Variants in PROCR observed in about 807,000 individuals in gnomAD.
PROCR encodes the protein endothelial protein C receptor.
In PROCR, 22 loss-of-function variants were observed where a neutral mutation model predicts 24.2. That is an observed-to-expected ratio of 0.91 (90% CI 0.65 to 1.30). PROCR has a LOEUF of 1.30. Among genes scored for constraint, PROCR ranks in the 50% most tolerant of loss-of-function variants. PROCR has a pLI of 0.00. For missense variants in PROCR, 288 were observed against 307.7 expected, an observed-to-expected ratio of 0.94 and a Z score of 0.48; for synonymous variants, 137 against 139.2, an observed-to-expected ratio of 0.98 and a Z score of 0.11.
chr20:35,191,292 T>A (rs987200156), intron 1 of PROCR, among the ~76,000 whole-genome samples: 2 of 152,164 alleles, frequency 1.3e-5, no homozygotes, highest in African/African-American at 2.4e-5. Context: ...TTTAAAAAAA[T>A]TTATTGAGTC....
intron 1 of PROCR, among the ~76,000 whole-genome samples, chr20:35,207,340 T>A (rs1481034270): frequency 6.6e-6 from 1 of 151,980 alleles, no homozygotes; most frequent in Non-Finnish European, 1.5e-5. Context: ...TTTTACTGAA[T>A]GTAAATTACA....
At chr20:35,185,404 G>C (rs564240188) in intron 1 of PROCR, among the ~76,000 whole-genome samples, 6 of 152,278 alleles carry the variant, frequency 3.9e-5, no homozygotes, top group Admixed American at 2.6e-4. Context: ...CCGAGGAAAA[G>C]AAGTCATTAT....
At chr20:35,179,762 T>A (rs1414258777), downstream of PROCR, among the ~76,000 whole-genome samples, 1 of 152,190 alleles carries the variant, frequency 6.6e-6, no homozygotes, top group Non-Finnish European at 1.5e-5. Context: ...AACCATCAAA[T>A]CATGTAAGTG....
chr20:35,178,267 G>C (rs1032632564), downstream of PROCR, among the ~76,000 whole-genome samples: 1 of 151,232 alleles, frequency 6.6e-6, no homozygotes, highest in Admixed American at 6.6e-5. Flanking sequence ...AGCTAAGTTT[G>C]GTGGCACGCG....
intron 1 of PROCR, among the ~76,000 whole-genome samples, chr20:35,185,506 A>G (rs1306231896): frequency 2.0e-5 from 3 of 152,216 alleles, no homozygotes; most frequent in Admixed American, 1.3e-4. Context: ...CAATCAATGA[A>G]TGGATAAAGA....
intron 1 of PROCR, among the ~76,000 whole-genome samples, chr20:35,185,651 A>G (rs1465918414): frequency 6.6e-6 from 1 of 152,164 alleles, no homozygotes; most frequent in Admixed American, 6.5e-5. Flanking sequence ...ACCAAACATC[A>G]TATGTTCTCA....
intron 1 of PROCR, among the ~76,000 whole-genome samples, chr20:35,183,997 TC>T (rs1251858442): frequency 1.3e-5 from 2 of 152,106 alleles, no homozygotes; most frequent in African/African-American, 4.8e-5. Flanking sequence ...ATCTACAAAT[TC>T]ACGCAGTCCC....
At chr20:35,184,783 A>G (rs1445830850) in intron 1 of PROCR, among the ~76,000 whole-genome samples, 1 of 152,184 alleles carries the variant, frequency 6.6e-6, no homozygotes, top group Non-Finnish European at 1.5e-5. Flanking sequence ...AGAAGATAAC[A>G]TTGGAAAAAC....
chr20:35,214,705 A>T (rs1263061235), intron 1 of PROCR, among the ~76,000 whole-genome samples: 2 of 151,458 alleles, frequency 1.3e-5, no homozygotes, highest in Non-Finnish European at 2.9e-5. Flanking sequence ...AAAAAAAAAA[A>T]ATTACAAAAG....
chr20:35,193,292 CAG>C (rs1279489826), intron 1 of PROCR, among the ~76,000 whole-genome samples: 2 of 152,130 alleles, frequency 1.3e-5, no homozygotes, highest in Non-Finnish European at 2.9e-5. Flanking sequence ...TCTCCTGCCA[CAG>C]CCCCCCGAGT....
intron 2 of PROCR, among the ~76,000 whole-genome samples, chr20:35,175,405 C>G (rs1400775472): frequency 6.7e-6 from 1 of 149,420 alleles, no homozygotes; most frequent in East Asian, 2.0e-4. Flanking sequence ...ACTCTTCCCC[C>G]AAAGACCCCA....
intron 1 of PROCR, among the ~76,000 whole-genome samples, chr20:35,184,309 A>T (rs1465183191): frequency 1.3e-5 from 2 of 152,200 alleles, no homozygotes; most frequent in Admixed American, 1.3e-4. Flanking sequence ...TGGGGAAAGG[A>T]CACCCTTTTC....
chr20:35,209,637 G>A (rs1268047409), intron 1 of PROCR, among the ~76,000 whole-genome samples: 1 of 152,188 alleles, frequency 6.6e-6, no homozygotes, highest in East Asian at 1.9e-4. Flanking sequence ...AGGACAAGGG[G>A]CCAAGGAGGG....
chr20:35,172,323 C>T, intron 1 of PROCR, 99 bp downstream of exon 1: 1 of 1,417,520 alleles, frequency 7.1e-7, no homozygotes, highest in South Asian at 1.2e-5. Context: ...CTCACAGCAT[C>T]TGTGTCTGCA....
At chr20:35,190,230 A>G (rs2086161997) in intron 1 of PROCR, among the ~76,000 whole-genome samples, 1 of 152,156 alleles carries the variant, frequency 6.6e-6, no homozygotes, top group African/African-American at 2.4e-5. Flanking sequence ...GGTAGCCTTA[A>G]TCTTGCATCA....
At chr20:35,211,156 C>T (rs969959187) in intron 1 of PROCR, among the ~76,000 whole-genome samples, 1 of 152,142 alleles carries the variant, frequency 6.6e-6, no homozygotes, top group East Asian at 1.9e-4. Flanking sequence ...GCATGAGTAC[C>T]GCTTACCAAG....
At chr20:35,200,342 G>A (rs2060314021) in intron 1 of PROCR, among the ~76,000 whole-genome samples, 1 of 152,112 alleles carries the variant, frequency 6.6e-6, no homozygotes, top group Non-Finnish European at 1.5e-5. Flanking sequence ...CAATTGATAT[G>A]CAAACTTTAT....
At chr20:35,186,957 A>G (rs937976096) in intron 1 of PROCR, among the ~76,000 whole-genome samples, 2 of 151,992 alleles carry the variant, frequency 1.3e-5, no homozygotes, top group African/African-American at 4.8e-5. Flanking sequence ...TGTCTCAAAA[A>G]AAAAAAAGAA....
intron 1 of PROCR, among the ~76,000 whole-genome samples, chr20:35,191,680 A>G (rs2086175062): frequency 6.6e-6 from 1 of 152,200 alleles, no homozygotes; most frequent in Admixed American, 6.5e-5. Flanking sequence ...AGCTCTGAGG[A>G]GTAAGCTTGG....
Sources: gnomAD v4.1 joint callset for allele counts (sites outside exome capture counted in the v4.1 genomes callset) on GRCh38, gnomAD v4.1.1 for gene constraint, MANE v1.5 for transcripts, NCBI Gene and HGNC (gene_info 2026-07-23, HGNC 2026-07-21) for gene names.